The following CSMD2 variants were observed in gnomAD, a reference collection of about 807,000 sequenced individuals.
The protein encoded by CSMD2 is CUB and sushi domain-containing protein 2.
Under a neutral mutation model 398.5 loss-of-function variants are expected in CSMD2, and 130 were observed. The observed-to-expected ratio is 0.33, with a 90% CI of 0.28 to 0.38. CSMD2 has a LOEUF of 0.38. Among genes scored for constraint, CSMD2 ranks in the 10% least tolerant of loss-of-function variants. The pLI is 1.00. For missense variants in CSMD2, 3,829 were observed against 4,764.9 expected, an observed-to-expected ratio of 0.80 and a Z score of 5.78; for synonymous variants, 1,828 against 1,908.5, an observed-to-expected ratio of 0.96 and a Z score of 1.10.
intron 15 of CSMD2, among the ~76,000 whole-genome samples, chr1:33,731,256 C>T (rs901602133): frequency 5.3e-5 from 8 of 151,856 alleles, no homozygotes; most frequent in Non-Finnish European, 4.4e-5. Context: ...CTCGGAGTAA[C>T]CAAATAGTTG....
chr1:33,525,921 T>A (rs1356532714), intron 65 of CSMD2, among the ~76,000 whole-genome samples: 1 of 152,150 alleles, frequency 6.6e-6, no homozygotes, highest in African/African-American at 2.4e-5. Flanking sequence ...TGACCTCAGG[T>A]GATCCGCCCA....
chr1:34,143,767 C>G (rs1176440849), intron 1 of CSMD2, among the ~76,000 whole-genome samples: 4 of 152,210 alleles, frequency 2.6e-5, no homozygotes, highest in African/African-American at 9.6e-5. Context: ...TCTCTGTCAT[C>G]TCCAGCCTGC....
At chr1:33,891,796 A>G (rs1312065223) in intron 5 of CSMD2, among the ~76,000 whole-genome samples, 1 of 150,476 alleles carries the variant, frequency 6.6e-6, no homozygotes, top group Non-Finnish European at 1.5e-5. Context: ...AACTATCGCA[A>G]GGACAAAAAA....
chr1:33,780,094 T>C (rs1652524686), intron 12 of CSMD2, among the ~76,000 whole-genome samples: 1 of 152,146 alleles, frequency 6.6e-6, no homozygotes, highest in Non-Finnish European at 1.5e-5. Flanking sequence ...TAATAAGTCA[T>C]TTAAGCTCCA....
chr1:33,619,286 T>C (rs1217243578), intron 37 of CSMD2, among the ~76,000 whole-genome samples: 1 of 152,192 alleles, frequency 6.6e-6, no homozygotes, highest in Non-Finnish European at 1.5e-5. Flanking sequence ...GCCTTGGCCC[T>C]TCTGGAGGCT....
chr1:33,652,288 A>G (rs1343617788), intron 28 of CSMD2, 35 bp downstream of exon 28: 2 of 1,610,990 alleles, frequency 1.2e-6, no homozygotes, highest in African/African-American at 2.7e-5. Flanking sequence ...GCCACTCTGA[A>G]CCCTTCGTCT....
intron 1 of CSMD2, among the ~76,000 whole-genome samples, chr1:34,095,955 C>A (rs927195713): frequency 6.6e-6 from 1 of 151,990 alleles, no homozygotes; most frequent in African/African-American, 2.4e-5. Flanking sequence ...GAGACACAAC[C>A]AAAAAAGAGA....
chr1:34,164,052 T>A lies in CSMD2; in HGVS notation c.187+859A>T, dbSNP rs1196975573. On this transcript the variant is annotated intron_variant, in intron 1 of 70. Coordinates refer to ENST00000373381, the MANE Select transcript of CSMD2 (RefSeq NM_001281956.2). This position sits in a 1 kb window ranked among gnomAD's most constrained non-coding sequence, Gnocchi z 6.2. ...CCCGGACTCGGTCGTCGGGAGCTGG[T>A]CCCGCCGCCCGCGCCGCCGCTGCCG... Among the ~76,000 whole-genome samples the A allele has an allele frequency of 6.6e-6, 1 of 152,050 alleles. No homozygotes were observed. The highest frequency in any genetic ancestry group is 1.9e-4 in the East Asian group (1 of 5,140).
At chr1:34,134,052 CAAAAAAAA>C (rs59062675) in intron 1 of CSMD2, among the ~76,000 whole-genome samples, 7 of 85,232 alleles carry the variant, frequency 8.2e-5, no homozygotes, top group African/African-American at 1.5e-4. Flanking sequence ...GACTCTGTCT[CAAAAAAAA>C]AAAAAAAAAA....
intron 25 of CSMD2, among the ~76,000 whole-genome samples, chr1:33,676,249 A>G (rs1014697122): frequency 4.6e-5 from 7 of 152,248 alleles, no homozygotes; most frequent in Non-Finnish European, 1.0e-4. Flanking sequence ...CTGATAAGCA[A>G]CTTCAGCAAA....
intron 3 of CSMD2, among the ~76,000 whole-genome samples, chr1:33,947,688 C>T (rs147178583): frequency 1.9e-4 from 29 of 152,294 alleles, no homozygotes; most frequent in African/African-American, 5.8e-4. Flanking sequence ...GTGAACAGGG[C>T]GACTGCAAAA....
At chr1:33,728,325 C>G (rs1646607333) in intron 15 of CSMD2, among the ~76,000 whole-genome samples, 1 of 122,900 alleles carries the variant, frequency 8.1e-6, no homozygotes, top group Admixed American at 7.4e-5. Context: ...TCTAATATAC[C>G]CAATCCTCTT....
intron 6 of CSMD2, among the ~76,000 whole-genome samples, chr1:33,836,276 G>A (rs1269440581): frequency 1.3e-5 from 2 of 152,292 alleles, no homozygotes; most frequent in South Asian, 2.1e-4. Context: ...TGCCCCTACT[G>A]GGGGGTGCCT....
At chr1:33,662,530 T>C (rs1644170073) in intron 26 of CSMD2, among the ~76,000 whole-genome samples, 1 of 152,226 alleles carries the variant, frequency 6.6e-6, no homozygotes, top group Non-Finnish European at 1.5e-5. Context: ...CATAGATGAC[T>C]ACTTGCTCCT....
intron 18 of CSMD2, 51 bp from the exon 19 acceptor site, chr1:33,724,364 AC>A: frequency 6.6e-7 from 1 of 1,517,838 alleles, no homozygotes; most frequent in Non-Finnish European, 9.1e-7. Flanking sequence ...CTCAGGGAGC[AC>A]CCCCGTCATC....
chr1:33,940,413 T>TA (rs1381331527), intron 3 of CSMD2, among the ~76,000 whole-genome samples: 1 of 152,112 alleles, frequency 6.6e-6, no homozygotes, highest in African/African-American at 2.4e-5. Flanking sequence ...TTGCGCAGAT[T>TA]AAAATTCAAC....
At chr1:33,546,015 G>A in intron 57 of CSMD2, 22 bp downstream of exon 57, 1 of 1,591,322 alleles carries the variant, frequency 6.3e-7, no homozygotes. Flanking sequence ...AAGGGGAGAA[G>A]CAGAATGGTC....
At chr1:33,616,869 T>C (rs757033754) in intron 39 of CSMD2, 37 bp downstream of exon 39, 2 of 1,545,128 alleles carry the variant, frequency 1.3e-6, no homozygotes, top group Non-Finnish European at 8.9e-7. Context: ...TGAGAGAAAA[T>C]TGGTTGGAAT....
intron 13 of CSMD2, among the ~76,000 whole-genome samples, chr1:33,746,061 T>C (rs964666426): frequency 2.0e-5 from 3 of 152,078 alleles, no homozygotes; most frequent in Admixed American, 1.3e-4. Context: ...CCACCATGTC[T>C]CTCAGTATGA....
Sources: gnomAD v4.1 joint callset for allele counts (sites outside exome capture counted in the v4.1 genomes callset) on GRCh38, gnomAD v4.1.1 for gene constraint, Gnocchi (gnomAD v3.1) non-coding constraint, MANE v1.5 for transcripts, NCBI Gene and HGNC (gene_info 2026-07-23, HGNC 2026-07-21) for gene names.